The following ERCC8 variants were observed in gnomAD, a reference collection of about 807,000 sequenced individuals.
ERCC8 encodes the protein DNA excision repair protein ERCC-8.
ERCC8 carries 52 observed loss-of-function variants against 54.9 expected under a neutral mutation model. That is an observed-to-expected ratio of 0.95 (90% CI 0.76 to 1.19). The LOEUF (loss-of-function observed/expected upper bound fraction) is 1.19, where lower values mean the gene tolerates loss of function less well. Among genes scored for constraint, ERCC8 ranks in the 50% most tolerant of loss-of-function variants. ERCC8 has a pLI of 0.00. For synonymous variants in ERCC8, 146 were observed against 157.2 expected, an observed-to-expected ratio of 0.93 and a Z score of 0.53; for missense variants, 514 against 466.1, an observed-to-expected ratio of 1.10 and a Z score of -0.95.
chr5:60,945,051 C>T lies in ERCC8; in HGVS notation c.-43G>A, dbSNP rs1255432747. ...GCTGGAGCACTGGACGTCGCCATGA[C>T]AGAGCTCAGGGGCGGGACTGGAACA... On this transcript the variant is annotated 5_prime_UTR_variant, in exon 1 of 12. Transcript: ENST00000676185. 4 of 1,564,238 alleles carry T rather than the reference C, an allele frequency of 2.6e-6. No homozygotes were observed. The highest frequency in any genetic ancestry group is 1.7e-5 in the Admixed American group (1 of 59,978).
chr5:60,904,621 A>AGT (rs35456838), intron 5 of ERCC8, among the ~76,000 whole-genome samples, 171 bp downstream of exon 5: 717 of 63,736 alleles, frequency 0.011, 16 homozygotes, highest in African/African-American at 0.032. Flanking sequence ...GAATATATAT[A>AGT]GTGTGTGTGT....
intron 10 of ERCC8, among the ~76,000 whole-genome samples, chr5:60,887,970 A>G (rs1422413632): frequency 6.6e-6 from 1 of 152,230 alleles, no homozygotes; most frequent in Non-Finnish European, 1.5e-5. Context: ...GCAATTCAAC[A>G]GAAGAGCTTG....
chr5:60,895,049 T>C (rs1748684325), intron 9 of ERCC8, among the ~76,000 whole-genome samples: 1 of 151,408 alleles, frequency 6.6e-6, no homozygotes, highest in Admixed American at 6.6e-5. Context: ...CGGGTACCTG[T>C]AATCCCAGCT....
At chr5:60,882,970 AACACACACACACACAC>A (rs10550173) in intron 11 of ERCC8, among the ~76,000 whole-genome samples, 1 of 144,738 alleles carries the variant, frequency 6.9e-6, no homozygotes, top group Non-Finnish European at 1.5e-5. Context: ...GCCCTGGGAA[AACACACACACACACAC>A]ACACACACAC....
chr5:60,892,365 T>C (rs1292556111), intron 9 of ERCC8: 22 of 549,400 alleles, frequency 4.0e-5, no homozygotes, highest in Non-Finnish European at 6.2e-5. Context: ...AAGCATTCCA[T>C]GGTGTCTTCA....
intron 1 of ERCC8, among the ~76,000 whole-genome samples, chr5:60,943,054 T>G (rs1273393014): frequency 6.6e-6 from 1 of 152,142 alleles, no homozygotes; most frequent in East Asian, 1.9e-4. Context: ...GAGGATCACT[T>G]CAGCCCAGGA....
chr5:60,913,145 T>C (rs191686380), intron 4 of ERCC8, among the ~76,000 whole-genome samples: 15 of 152,272 alleles, frequency 9.9e-5, no homozygotes, highest in African/African-American at 3.6e-4. Context: ...TTCTATTGAT[T>C]GGAATAGTTT....
In ERCC8 at chr5:60,899,848, C is replaced by T. The variant is rs542258139; in HGVS notation, c.618-121G>A. 4.6e-5 allele frequency: 33 copies of T among 716,792 alleles called. No homozygotes were observed. In the East Asian group the frequency reaches 8.3e-4, roughly 18 times the overall value. 44.4% of individuals were successfully genotyped at this position (716,792 alleles called of 1,614,324 possible). ...TTATATAGGTACATATGTATTCATA[C>T]ATTAGGGTTGTTGAACTTTTGCCTT... On this transcript the variant is annotated intron_variant, in intron 7 of 11. Transcript: ENST00000676185.
At position 60,867,636 on chromosome 5, in the gene ERCC8, G is replaced by C. The variant is rs1266783780; in HGVS notation, c.*6979C>G. Among the ~76,000 whole-genome samples the C allele has an allele frequency of 6.6e-6, 1 of 152,196 alleles. No individual in the cohort carries two copies. Among genetic ancestry groups the C allele is most frequent in the African/African-American group, 2.4e-5 (1 of 41,446 alleles). On this transcript the variant is annotated 3_prime_UTR_variant, in exon 12 of 12. Coordinates refer to ENST00000676185, the MANE Select transcript of ERCC8 (RefSeq NM_000082.4). ...CTTTGTTTTAGCATAAGTTTGAACA[G>C]TGTATTTATTTAGAAAATATACAGA... is the stretch of plus-strand genomic sequence containing the variant.
chr5:60,943,875 CA>C (rs200096138), intron 1 of ERCC8, among the ~76,000 whole-genome samples: 3 of 151,034 alleles, frequency 2.0e-5, no homozygotes, highest in African/African-American at 7.3e-5. Context: ...GTGACACTGG[CA>C]AAAAAAACAC....
At chr5:60,930,462 T>C (rs1580042674) in intron 1 of ERCC8, among the ~76,000 whole-genome samples, 1 of 151,792 alleles carries the variant, frequency 6.6e-6, no homozygotes, top group East Asian at 2.0e-4. Context: ...GAGGCTGAGG[T>C]AGGAGAATCA....
intron 4 of ERCC8, among the ~76,000 whole-genome samples, chr5:60,911,862 T>G (rs995580709): frequency 6.6e-6 from 1 of 152,144 alleles, no homozygotes; most frequent in Non-Finnish European, 1.5e-5. Context: ...CTTTCCCCAT[T>G]TCTTGTTTTT....
At chr5:60,877,677 G>A (rs1178487708) in intron 11 of ERCC8, among the ~76,000 whole-genome samples, 2 of 152,170 alleles carry the variant, frequency 1.3e-5, no homozygotes, top group Non-Finnish European at 2.9e-5. Context: ...CTGTTTGTCT[G>A]TTATTGGTGT....
At chr5:60,906,217 G>A (rs546176330) in intron 4 of ERCC8, among the ~76,000 whole-genome samples, 71 of 151,970 alleles carry the variant, frequency 4.7e-4, no homozygotes, top group African/African-American at 1.6e-3. Flanking sequence ...TGTATTTTTG[G>A]TAGAGATGGG....
At chr5:60,882,008 G>GT (rs1160502499) in intron 11 of ERCC8, among the ~76,000 whole-genome samples, 1 of 151,930 alleles carries the variant, frequency 6.6e-6, no homozygotes, top group Non-Finnish European at 1.5e-5. Context: ...GCTCCACCTA[G>GT]TTTTTTGTAT....
intron 11 of ERCC8, among the ~76,000 whole-genome samples, chr5:60,879,268 T>G (rs367583920): frequency 6.6e-6 from 1 of 152,344 alleles, no homozygotes; most frequent in Admixed American, 6.5e-5. Flanking sequence ...TTACATTTGC[T>G]GAGGAGAGCT....
intron 9 of ERCC8, chr5:60,893,570 T>C: frequency 1.5e-6 from 1 of 674,948 alleles, no homozygotes; most frequent in Non-Finnish European, 2.7e-6. Context: ...GTTTCTAAGT[T>C]TCATCATCAT....
intron 11 of ERCC8, among the ~76,000 whole-genome samples, chr5:60,881,395 A>C (rs1365635583): frequency 6.6e-6 from 1 of 152,334 alleles, no homozygotes; most frequent in South Asian, 2.1e-4. Flanking sequence ...GCTGTCAGAC[A>C]GGGACATTTA....
intron 7 of ERCC8, among the ~76,000 whole-genome samples, chr5:60,901,704 TG>T (rs1289064547): frequency 6.6e-6 from 1 of 152,056 alleles, no homozygotes; most frequent in African/African-American, 2.4e-5. Flanking sequence ...TCTGGATCCT[TG>T]ATACTACCCA....
Sources: allele counts gnomAD v4.1 joint callset (sites outside exome capture counted in the v4.1 genomes callset), GRCh38; gene constraint gnomAD v4.1.1; transcripts MANE v1.5; gene names NCBI Gene and HGNC (gene_info 2026-07-23, HGNC 2026-07-21).